ITGA8: variants seen among roughly 807,000 people sequenced by gnomAD.
The protein encoded by ITGA8 is integrin alpha-8.
Under a neutral mutation model 142.3 loss-of-function variants are expected in ITGA8, and 91 were observed. That is an observed-to-expected ratio of 0.64 (90% CI 0.54 to 0.76). ITGA8 has a LOEUF of 0.76. ITGA8 is among the 30% of genes least tolerant of loss of function. The pLI, the probability that ITGA8 is intolerant of heterozygous loss-of-function variation, is 0.00. For synonymous variants in ITGA8, 505 were observed against 485.2 expected (o/e 1.04, Z -0.54); for missense variants, 1,406 against 1,327.7 (o/e 1.06, Z -0.92).
At chr10:15,536,569 A>C (rs1187684129) in intron 27 of ITGA8, among the ~76,000 whole-genome samples, 1 of 152,194 alleles carries the variant, frequency 6.6e-6, no homozygotes, top group Non-Finnish European at 1.5e-5. Flanking sequence ...CCTCTCTCCC[A>C]TATAGCAATC....
At chr10:15,681,197 C>G (rs1408869388) in intron 4 of ITGA8, among the ~76,000 whole-genome samples, 2 of 152,128 alleles carry the variant, frequency 1.3e-5, no homozygotes, top group Non-Finnish European at 2.9e-5. Context: ...TCTTTAAATT[C>G]TCTTTTGAAA....
At chr10:15,604,831 T>C (rs1289522933) in intron 19 of ITGA8, among the ~76,000 whole-genome samples, 1 of 152,028 alleles carries the variant, frequency 6.6e-6, no homozygotes, top group Non-Finnish European at 1.5e-5. Context: ...GAGGGATAGA[T>C]TAATGCAAAG....
At chr10:15,603,439 G>C (rs998656207) in intron 20 of ITGA8, among the ~76,000 whole-genome samples, 1 of 152,192 alleles carries the variant, frequency 6.6e-6, no homozygotes, top group Non-Finnish European at 1.5e-5. Flanking sequence ...CCTATGAAAG[G>C]AAACGTGAAA....
intron 11 of ITGA8, among the ~76,000 whole-genome samples, chr10:15,648,395 T>A (rs929731965): frequency 1.3e-5 from 2 of 150,934 alleles, no homozygotes; most frequent in South Asian, 2.1e-4. Flanking sequence ...TGAGTTATAA[T>A]ATTCATGTAT....
At position 15,644,433 on chromosome 10, in the gene ITGA8, A is replaced by AACATATAT. The variant is rs1222711473; in HGVS notation, c.1208-213_1208-212insATATATGT. ...CAGGTGCATACCACCATGTCAGGCTAATATATATATATATATATATATATA... is the reference window on the plus strand; with the variant it reads ...CAGGTGCATACCACCATGTCAGGCTAACATATATATATATATATATATATATATATATA... On this transcript the variant is annotated intron_variant, in intron 12 of 29. Transcript: ENST00000378076. Among the ~76,000 whole-genome samples the AACATATAT allele has an allele frequency of 6.1e-4, 26 of 42,456 alleles. 1 individual carries two copies. Among genetic ancestry groups the AACATATAT allele is most frequent in the South Asian group, 1.1e-3 (1 of 874 alleles). The allele number at this position is 42,456 out of a possible 152,430, so 27.9% of individuals were successfully genotyped here. A position where few individuals can be genotyped will look rare whatever the true frequency, so the allele number is the denominator to read the frequency against.
chr10:15,719,372 C>T (rs1835514771), intron 1 of ITGA8, among the ~76,000 whole-genome samples, 191 bp downstream of exon 1: 1 of 152,204 alleles, frequency 6.6e-6, no homozygotes. Context: ...ATGTCTCTAG[C>T]TCAAAATTCA....
At chr10:15,574,061 C>A (rs1182532799) in intron 24 of ITGA8, among the ~76,000 whole-genome samples, 3 of 152,120 alleles carry the variant, frequency 2.0e-5, no homozygotes, top group Non-Finnish European at 4.4e-5. Context: ...GCCTGAAGTG[C>A]TTCTCCCACC....
intron 3 of ITGA8, among the ~76,000 whole-genome samples, chr10:15,686,541 C>T (rs1834835746): frequency 6.6e-6 from 1 of 152,190 alleles, no homozygotes; most frequent in Non-Finnish European, 1.5e-5. Flanking sequence ...CTCAGTTTCA[C>T]ATTGATGTGA....
intron 23 of ITGA8, among the ~76,000 whole-genome samples, chr10:15,581,007 C>G (rs1834397653): frequency 6.6e-6 from 1 of 152,178 alleles, no homozygotes; most frequent in Non-Finnish European, 1.5e-5. Flanking sequence ...TGGCCTTTGC[C>G]CTCAGCTTCT....
rs1465345020 is a variant in ITGA8, at chr10:15,580,716, A to G, written c.2373-5122T>C. Among the ~76,000 whole-genome samples the G allele has an allele frequency of 2.0e-5, 3 of 152,206 alleles. No homozygotes were observed. The East Asian group carries it at 5.8e-4, about 29-fold the overall frequency. The stretch of plus-strand genomic sequence containing the variant: ...TTCATATGTACAGAATAAGCATTTG[A>G]AAAAAACTAAACATACATTCATGTT... On this transcript the variant is annotated intron_variant, in intron 23 of 29. Coordinates refer to ENST00000378076, the MANE Select transcript of ITGA8 (RefSeq NM_003638.3).
intron 3 of ITGA8, among the ~76,000 whole-genome samples, chr10:15,687,269 G>T (rs1834848720): frequency 6.6e-6 from 1 of 151,838 alleles, no homozygotes; most frequent in African/African-American, 2.4e-5. Flanking sequence ...TTGCTTTATT[G>T]TTGTAAGGAA....
intron 27 of ITGA8, among the ~76,000 whole-genome samples, chr10:15,542,204 C>T (rs536863507): frequency 2.4e-4 from 36 of 152,240 alleles, no homozygotes; most frequent in African/African-American, 8.4e-4. Flanking sequence ...ATTGTATGAT[C>T]GAATCTTGCA....
chr10:15,669,846 A>T (rs961652919), intron 8 of ITGA8, among the ~76,000 whole-genome samples: 1 of 152,190 alleles, frequency 6.6e-6, no homozygotes, highest in African/African-American at 2.4e-5. Flanking sequence ...TGAACCGCAG[A>T]TGCTGCTGCC....
At chr10:15,579,444 T>C (rs1834362541) in intron 23 of ITGA8, among the ~76,000 whole-genome samples, 1 of 152,100 alleles carries the variant, frequency 6.6e-6, no homozygotes, top group South Asian at 2.1e-4. Flanking sequence ...ATTAGCTGTC[T>C]TGGATTTAGT....
intron 27 of ITGA8, among the ~76,000 whole-genome samples, chr10:15,536,024 C>T (rs1833428173): frequency 6.6e-6 from 1 of 151,734 alleles, no homozygotes. Flanking sequence ...ACTCCTGAGC[C>T]AGCGAGACCA....
intron 14 of ITGA8, among the ~76,000 whole-genome samples, chr10:15,614,139 A>G (rs1164365592): frequency 1.3e-5 from 2 of 152,210 alleles, no homozygotes; most frequent in Non-Finnish European, 2.9e-5. Context: ...GAAATACATC[A>G]TCTTACAGCC....
chr10:15,603,674 T>C (rs1312846696), intron 20 of ITGA8, among the ~76,000 whole-genome samples: 1 of 152,144 alleles, frequency 6.6e-6, no homozygotes, highest in Admixed American at 6.5e-5. Flanking sequence ...GAATGGCAAA[T>C]GAGGAAGACC....
chr10:15,656,622 C>T (rs914110825), intron 10 of ITGA8, among the ~76,000 whole-genome samples: 1 of 152,154 alleles, frequency 6.6e-6, no homozygotes, highest in Non-Finnish European at 1.5e-5. Flanking sequence ...CTCGGCCTCC[C>T]AAAGTGCTGG....
chr10:15,589,230 A>G (rs894363375), intron 22 of ITGA8, among the ~76,000 whole-genome samples: 6 of 152,002 alleles, frequency 3.9e-5, no homozygotes, highest in Admixed American at 2.0e-4. Context: ...TTTCCTTACT[A>G]TTTCCTATTT....
Sources: allele counts gnomAD v4.1 joint callset (sites outside exome capture counted in the v4.1 genomes callset), GRCh38; gene constraint gnomAD v4.1.1; transcripts MANE v1.5; gene names NCBI Gene and HGNC (gene_info 2026-07-23, HGNC 2026-07-21).